GSS: variants seen among roughly 807,000 people sequenced by gnomAD.
GSS encodes GSH synthetase.
GSS carries 34 observed loss-of-function variants against 60.4 expected under a neutral mutation model. The observed-to-expected ratio is 0.56, with a 90% CI of 0.43 to 0.75. GSS has a LOEUF of 0.75. Ranked by LOEUF, GSS falls within the 30% of genes least tolerant of loss-of-function variation. The probability of loss-of-function intolerance (pLI) is 0.00; values close to 1 mark genes in which losing one functional copy is unlikely to be tolerated. For missense variants in GSS, 499 were observed against 595.1 expected, an observed-to-expected ratio of 0.84 and a Z score of 1.68; for synonymous variants, 224 against 239.0, an observed-to-expected ratio of 0.94 and a Z score of 0.58.
rs1317309457 is a variant in GSS, at chr20:34,929,526, C to T, written c.1176G>A (p.Arg392=). The T allele has an allele frequency of 2.5e-6, 4 of 1,613,406 alleles. No individual in the cohort carries two copies. The highest frequency in any genetic ancestry group is 4.5e-5 in the East Asian group (2 of 44,876). Residue 392 remains arginine, a synonymous_variant, in exon 12 of 13, where the codon AGG becomes AGA. Coordinates refer to ENST00000651619, the MANE Select transcript of GSS (RefSeq NM_000178.4). ...TCTTCTCCATGAGGATGTAGGAGGC[C>T]CTCTCCTCACTGTCCTTCAGCTGTT... ...ALKQLKDSEE[R]ASYILMEKIE...
At chr20:34,942,804 A>T in intron 4 of GSS, 127 bp downstream of exon 4, 2 of 898,998 alleles carry the variant, frequency 2.2e-6, no homozygotes, top group South Asian at 2.8e-5. Flanking sequence ...GGATAAACCC[A>T]GTGAGGACCA....
intron 1 of GSS, chr20:34,952,387 C>T (rs2081576016): frequency 5.9e-6 from 1 of 169,636 alleles, no homozygotes; most frequent in South Asian, 1.4e-4. Context: ...GGGCCCCATC[C>T]CAGAGACTCT....
rs1282414754 is a variant in GSS, at chr20:34,945,922, C to T, written c.275+31G>A. On this transcript the variant is annotated intron_variant, in intron 3 of 12. Transcript: ENST00000651619. ...TTCCAGTTCCTTGGCTCTGGCAGCT[C>T]CTGGCCCCCCAATGCTTCACTGTCC... The T allele has an allele frequency of 3.7e-6, 6 of 1,612,612 alleles. No individual in the cohort carries two copies. The South Asian group carries it at 5.5e-5, about 15-fold the overall frequency.
intron 3 of GSS, among the ~76,000 whole-genome samples, chr20:34,943,685 G>A (rs1451900730): frequency 6.6e-6 from 1 of 152,096 alleles, no homozygotes; most frequent in Non-Finnish European, 1.5e-5. Flanking sequence ...TGTTCTCATA[G>A]AACTAAGAAC....
Position 34,932,251 on chromosome 20 carries a change from C to T in GSS, c.835-118G>A, listed in dbSNP as rs114196150. 2.7e-3 allele frequency: 2,191 copies of T among 819,166 alleles called. 37 individuals are homozygous for T. The African/African-American group carries it at 0.031, about 12-fold the overall frequency. The allele number at this position is 819,166 out of a possible 1,614,324, so 50.7% of individuals were successfully genotyped here. On this transcript the variant is annotated intron_variant, in intron 9 of 12. Coordinates refer to ENST00000651619, the MANE Select transcript of GSS (RefSeq NM_000178.4). ...TTTGTATCTTCACCCTCATTATCAC[C>T]CAGGATCATTCTAACATCCTTGTGA...
rs28936396 is a variant in GSS, at chr20:34,942,606, G to A, written c.373C>T (p.Arg125Cys). Residue 125 changes from arginine to cysteine, a missense_variant, in exon 5 of 13, where the codon CGC becomes TGC. Transcript: ENST00000651619. ...CTGCGCTGGAACATGTAGTCTGAGC[G>A]ATTCAGGCCCAGGAACACAGTCTGT... ...IAQTVFLGLNRSDYMFQRSAD... is the reference protein window; with the variant it reads ...IAQTVFLGLNCSDYMFQRSAD... The A allele has an allele frequency of 4.2e-5, 67 of 1,613,906 alleles. No homozygotes were observed. In the African/African-American group the frequency reaches 7.5e-4, roughly 18 times the overall value.
In GSS at chr20:34,942,497, G is replaced by T. The variant is rs760356576; in HGVS notation, c.482C>A (p.Ala161Asp). The T allele has an allele frequency of 4.8e-5, 78 of 1,613,560 alleles. 1 individual carries two copies. In the South Asian group the frequency reaches 8.6e-4, roughly 18 times the overall value. The part of the protein sequence containing the change: ...SFGGLASRTP[A>D]VHRHVLSVLS... ...TGCCCAGGGGACCCACCGGTGCACAGCTGGGGTCCGGGAGGCCAGGCCCCC... is the reference window on the plus strand; with the variant it reads ...TGCCCAGGGGACCCACCGGTGCACATCTGGGGTCCGGGAGGCCAGGCCCCC... Residue 161 changes from alanine to aspartate, a missense_variant, in exon 5 of 13, where the codon GCT (alanine) becomes GAT (aspartate). Ala to Asp is a moderately radical substitution (Grantham distance 126). Coordinates refer to ENST00000651619, the MANE Select transcript of GSS (RefSeq NM_000178.4).
chr20:34,929,869 G>A (rs1195397307), intron 11 of GSS, among the ~76,000 whole-genome samples: 1 of 152,180 alleles, frequency 6.6e-6, no homozygotes, highest in Non-Finnish European at 1.5e-5. Flanking sequence ...TCTCTTAAAT[G>A]CTGGGGTCCC....
intron 3 of GSS, among the ~76,000 whole-genome samples, chr20:34,945,168 C>A (rs2081511147): frequency 6.6e-6 from 1 of 151,410 alleles, no homozygotes; most frequent in Non-Finnish European, 1.5e-5. Context: ...TTATAGGCAC[C>A]CGCCACCACA....
At chr20:34,929,632 C>T (rs1436000044) in intron 11 of GSS, 42 bp from the exon 12 acceptor site, 7 of 1,547,272 alleles carry the variant, frequency 4.5e-6, no homozygotes, top group Non-Finnish European at 6.2e-6. Flanking sequence ...CTCTGCCTAC[C>T]TCCTCCATCC....
At chr20:34,941,190 A>G (rs1485355051) in intron 6 of GSS, among the ~76,000 whole-genome samples, 1 of 152,168 alleles carries the variant, frequency 6.6e-6, no homozygotes, top group Non-Finnish European at 1.5e-5. Flanking sequence ...CCCCGTCTCT[A>G]CTAAAAATAC....
At chr20:34,948,865 A>G (rs1479048625) in intron 2 of GSS, among the ~76,000 whole-genome samples, 1 of 152,186 alleles carries the variant, frequency 6.6e-6, no homozygotes, top group Non-Finnish European at 1.5e-5. Context: ...GTAGCCAGGA[A>G]GCAACAGGGA....
intron 8 of GSS, among the ~76,000 whole-genome samples, 194 bp from the exon 9 acceptor site, chr20:34,935,836 A>C (rs1015861814): frequency 2.0e-5 from 3 of 152,190 alleles, no homozygotes; most frequent in African/African-American, 7.2e-5. Context: ...GAAAACAGGG[A>C]GGTGTGCCAT....
At chr20:34,930,261 T>C (rs1397778282) in intron 11 of GSS, among the ~76,000 whole-genome samples, 2 of 130,414 alleles carry the variant, frequency 1.5e-5, no homozygotes, top group African/African-American at 5.8e-5. Context: ...CGAGAATCCG[T>C]CTCAAAAAAA....
rs770638730 is a variant in GSS, at chr20:34,942,587, TG to T, written c.391del (p.Gln131SerfsTer10). On this transcript the variant is annotated frameshift_variant, in exon 5 of 13. Transcript: ENST00000651619. LOFTEE classifies it high-confidence loss of function. Reference sequence around the variant, plus strand: ...GGCTGGGGAGCCATCTGCGCTGCGCTGGAACATGTAGTCTGAGCGATTCAGG... The same window carrying T: ...GGCTGGGGAGCCATCTGCGCTGCGCTGAACATGTAGTCTGAGCGATTCAGG... ...LGLNRSDYMF[Q>X]RSADGSPALK... is the part of the protein sequence containing the mutation. 6.2e-7 allele frequency: 1 copy of T among 1,614,032 alleles called. No homozygotes were observed. Among genetic ancestry groups the T allele is most frequent in the East Asian group, 2.2e-5 (1 of 44,862 alleles).
intron 9 of GSS, among the ~76,000 whole-genome samples, chr20:34,934,661 A>T (rs151293944): frequency 3.3e-5 from 5 of 152,266 alleles, no homozygotes; most frequent in African/African-American, 7.2e-5. Context: ...AAAGAAAAGG[A>T]TGTTCTATCG....
chr20:34,950,286 C>T (rs371151137), intron 2 of GSS: 11 of 152,234 alleles, frequency 7.2e-5, no homozygotes, highest in African/African-American at 2.6e-4. Context: ...CCTTAGGTGA[C>T]AGACATTGTC....
chr20:34,930,280 A>T (rs892102106), intron 11 of GSS, among the ~76,000 whole-genome samples: 5 of 151,302 alleles, frequency 3.3e-5, no homozygotes, highest in Admixed American at 2.0e-4. Context: ...AAAAAAAAAA[A>T]TTGTTAACTT....
intron 11 of GSS, among the ~76,000 whole-genome samples, chr20:34,930,601 C>A (rs912806279): frequency 6.6e-6 from 1 of 152,124 alleles, no homozygotes; most frequent in Admixed American, 6.6e-5. Context: ...CCCCTCATTC[C>A]AGGACATCTT....
Sources: allele counts gnomAD v4.1 joint callset (sites outside exome capture counted in the v4.1 genomes callset), GRCh38; gene constraint gnomAD v4.1.1; transcripts MANE v1.5; gene names NCBI Gene and HGNC (gene_info 2026-07-23, HGNC 2026-07-21).